The following MRPL33 variants were observed in gnomAD, a reference collection of about 807,000 sequenced individuals.
MRPL33 encodes mitochondrial ribosomal protein L33, also known as large ribosomal subunit protein bL33m.
Under a neutral mutation model 10.1 loss-of-function variants are expected in MRPL33, and 5 were observed. That is an observed-to-expected ratio of 0.49 (90% CI 0.26 to 1.04). The LOEUF is 1.04. Ranked by LOEUF, MRPL33 falls within the 50% of genes least tolerant of loss-of-function variation. MRPL33 has a pLI of 0.14. For synonymous variants in MRPL33, 24 were observed against 27.7 expected, an observed-to-expected ratio of 0.87 and a Z score of 0.42; for missense variants, 79 against 78.1, an observed-to-expected ratio of 1.01 and a Z score of -0.04.
At chr2:27,776,104 G>C (rs1310442423) in intron 3 of MRPL33, among the ~76,000 whole-genome samples, 1 of 152,234 alleles carries the variant, frequency 6.6e-6, no homozygotes, top group Non-Finnish European at 1.5e-5. Flanking sequence ...TTTAAGTTTT[G>C]AGATTGGGAA....
intron 3 of MRPL33, 88 bp downstream of exon 3, chr2:27,774,618 C>A: frequency 3.2e-6 from 3 of 946,294 alleles, no homozygotes; most frequent in Non-Finnish European, 3.4e-6. Context: ...TTTTTTTAGC[C>A]TCTGACACTA....
At chr2:27,779,118 T>G (rs1346713396) in intron 3 of MRPL33, among the ~76,000 whole-genome samples, 1 of 152,194 alleles carries the variant, frequency 6.6e-6, no homozygotes. Flanking sequence ...GAGTGGACAT[T>G]AATTGGGTGA....
At chr2:27,777,901 TG>T (rs1195363115) in intron 3 of MRPL33, among the ~76,000 whole-genome samples, 1 of 151,834 alleles carries the variant, frequency 6.6e-6, no homozygotes. Context: ...TAGAAAACCA[TG>T]GGGGAAATAT....
chr2:27,778,954 C>T (rs1033954224), intron 3 of MRPL33, among the ~76,000 whole-genome samples: 2 of 152,116 alleles, frequency 1.3e-5, no homozygotes, highest in Non-Finnish European at 2.9e-5. Context: ...AATTATAGTA[C>T]CAAACTAAAA....
chr2:27,772,623 A>T, intron 1 of MRPL33, 51 bp from the exon 2 acceptor site: 1 of 1,422,318 alleles, frequency 7.0e-7, no homozygotes, highest in South Asian at 1.2e-5. Context: ...AAGAAAGAGA[A>T]TACATTTATA....
chr2:27,774,319 A>T lies in MRPL33; in HGVS notation c.42-105A>T. On this transcript the variant is annotated intron_variant, in intron 2 of 3. Transcript: ENST00000296102. ...ACCTTTTAGGGCCAAGTGATATCTC[A>T]CAACTAATATTACCCTACAGAGTTC... 5.6e-6 allele frequency: 5 copies of T among 888,500 alleles called. 1 individual carries two copies. In the South Asian group the frequency reaches 7.0e-5, roughly 12 times the overall value. The allele number at this position is 888,500 out of a possible 1,614,324, so 55.0% of individuals were successfully genotyped here.
In MRPL33 at chr2:27,771,734, G is replaced by C; in HGVS notation, c.-44G>C. ...CCCCGGAAGCAGTTGTTGTTGGTTG[G>C]GGGCCTTTTGGCCGGTGACGGAGAC... On this transcript the variant is annotated 5_prime_UTR_variant, in exon 1 of 4. Transcript: ENST00000296102. 6.2e-7 allele frequency: 1 copy of C among 1,613,434 alleles called. No homozygotes were observed. Among genetic ancestry groups the C allele is most frequent in the Non-Finnish European group, 8.5e-7 (1 of 1,179,520 alleles).
In MRPL33 at chr2:27,779,375, A is replaced by G. The variant is rs184977467; in HGVS notation, c.149-58A>G. 27 of 1,539,370 alleles carry G rather than the reference A, an allele frequency of 1.8e-5. No individual in the cohort carries two copies. In the African/African-American group the frequency reaches 3.1e-4, roughly 17 times the overall value. On this transcript the variant is annotated intron_variant, in intron 3 of 3. Transcript: ENST00000296102. ...TTATGGTCTGATATGTATTTTTTATAAAAATGGCGATGATACTTAATAATT... is the reference window on the plus strand; with the variant it reads ...TTATGGTCTGATATGTATTTTTTATGAAAATGGCGATGATACTTAATAATT...
Position 27,776,914 on chromosome 2 carries a change from A to C in MRPL33, c.148+2384A>C, listed in dbSNP as rs147802897. 6.9e-3 allele frequency among the ~76,000 whole-genome samples: 1,052 copies of C among 152,366 alleles called. 14 individuals carry two copies. Among genetic ancestry groups the C allele is most frequent in the African/African-American group, 0.022 (913 of 41,586 alleles). On this transcript the variant is annotated intron_variant, in intron 3 of 3. Coordinates refer to ENST00000296102, the MANE Select transcript of MRPL33 (RefSeq NM_004891.4). ...CAACAACCTTGTGAGGGAGATAGTT[A>C]TCTCTCCCACAGGGAAGAAAGCAGG...
chr2:27,774,553 C>T lies in MRPL33; in HGVS notation c.148+23C>T, dbSNP rs532445834. The T allele has an allele frequency of 2.4e-5, 38 of 1,586,670 alleles. No individual in the cohort carries two copies. In the South Asian group the frequency reaches 3.4e-4, roughly 14 times the overall value. Reference sequence around the variant, plus strand: ...TTGGTAAGATCTGGGGAGGTTAATGCTTCCAAGGCCTGTTGCCCCCTTTGT... The same window carrying T: ...TTGGTAAGATCTGGGGAGGTTAATGTTTCCAAGGCCTGTTGCCCCCTTTGT... On this transcript the variant is annotated intron_variant, in intron 3 of 3. Coordinates refer to ENST00000296102, the MANE Select transcript of MRPL33 (RefSeq NM_004891.4).
intron 3 of MRPL33, among the ~76,000 whole-genome samples, chr2:27,778,184 C>A (rs17006242): frequency 0.23 from 34,982 of 152,060 alleles, 4,840 homozygotes; most frequent in East Asian, 0.58. Flanking sequence ...CCCTACTAAA[C>A]CAGAATTAAG....
intron 3 of MRPL33, among the ~76,000 whole-genome samples, chr2:27,779,164 T>G (rs1677229359): frequency 6.6e-6 from 1 of 152,170 alleles, no homozygotes; most frequent in South Asian, 2.1e-4. Flanking sequence ...TAGTTTTCTT[T>G]CTTAATGTGA....
chr2:27,778,558 CT>C (rs377722424), intron 3 of MRPL33, among the ~76,000 whole-genome samples: 271 of 138,790 alleles, frequency 2.0e-3, no homozygotes, highest in African/African-American at 2.7e-3. Flanking sequence ...TCAATCTTTT[CT>C]TTTTTTTTTT....
chr2:27,778,612 T>C (rs1296525950), intron 3 of MRPL33, among the ~76,000 whole-genome samples: 16 of 151,976 alleles, frequency 1.1e-4, no homozygotes, highest in Non-Finnish European at 1.8e-4. Context: ...TGGAGTGCAA[T>C]GGTGCGATCT....
chr2:27,771,729 G>A lies in MRPL33; in HGVS notation c.-49G>A. On this transcript the variant is annotated 5_prime_UTR_variant, in exon 1 of 4. Transcript: ENST00000296102. ...CCGTGCCCCGGAAGCAGTTGTTGTT[G>A]GTTGGGGGCCTTTTGGCCGGTGACG... is the stretch of plus-strand genomic sequence containing the variant. The A allele has an allele frequency of 6.2e-7, 1 of 1,612,642 alleles. No homozygotes were observed. The highest frequency in any genetic ancestry group is 8.5e-7 in the Non-Finnish European group (1 of 1,178,854).
Position 27,771,727 on chromosome 2 carries a change from T to G in MRPL33, c.-51T>G, listed in dbSNP as rs1553372550. 3 of 1,610,686 alleles carry G rather than the reference T, an allele frequency of 1.9e-6. No individual in the cohort carries two copies. The South Asian group carries it at 3.3e-5, about 18-fold the overall frequency. ...GGCCGTGCCCCGGAAGCAGTTGTTG[T>G]TGGTTGGGGGCCTTTTGGCCGGTGA... On this transcript the variant is annotated 5_prime_UTR_variant, in exon 1 of 4. Transcript: ENST00000296102.
In MRPL33 at chr2:27,779,313, A is replaced by C. The variant is rs1214160952; in HGVS notation, c.149-120A>C. ...GAGTTTGCAAATCAGCTCCATCTTC[A>C]TATCAAGGAATAGTAAAATAAGAGA... is the stretch of plus-strand genomic sequence containing the variant. On this transcript the variant is annotated intron_variant, in intron 3 of 3. Coordinates refer to ENST00000296102, the MANE Select transcript of MRPL33 (RefSeq NM_004891.4). 1.1e-5 allele frequency: 14 copies of C among 1,230,704 alleles called. No individual in the cohort carries two copies. In the Admixed American group the frequency reaches 2.7e-4, roughly 24 times the overall value. 76.2% of individuals were successfully genotyped at this position (1,230,704 alleles called of 1,614,324 possible).
In MRPL33 at chr2:27,779,552, T is replaced by A; in HGVS notation, c.*70T>A. ...GGCGGGGATACTGATTCAGAAATCC[T>A]GTAGCGTGTAATAAAAGAAGAGGAA... On this transcript the variant is annotated 3_prime_UTR_variant, in exon 4 of 4. Transcript: ENST00000296102. 2 of 1,599,214 alleles carry A rather than the reference T, an allele frequency of 1.3e-6. No individual in the cohort carries two copies. The highest frequency in any genetic ancestry group is 2.3e-5 in the South Asian group (2 of 87,298).
At chr2:27,772,591 G>C in intron 1 of MRPL33, 83 bp from the exon 2 acceptor site, 2 of 1,116,476 alleles carry the variant, frequency 1.8e-6, no homozygotes, top group South Asian at 2.8e-5. Flanking sequence ...GGTTATTACT[G>C]ATATTTATAT....
Sources: gnomAD v4.1 joint callset for allele counts (sites outside exome capture counted in the v4.1 genomes callset) on GRCh38, gnomAD v4.1.1 for gene constraint, MANE v1.5 for transcripts, NCBI Gene and HGNC (gene_info 2026-07-23, HGNC 2026-07-21) for gene names.